Variants in HYCC2 observed in about 807,000 individuals in gnomAD.
The protein encoded by HYCC2 is hyccin PI4KA lipid kinase complex subunit 2, also known as hyccin 2.
the HYCC2 span, among the ~76,000 whole-genome samples, chr2:201,047,890 CAAAA>C: frequency 7.8e-4 from 53 of 67,918 alleles, no homozygotes; most frequent in Non-Finnish European, 1.5e-3. Context: ...TTAAAATTTG[CAAAA>C]AAAAAAAAAA....
the HYCC2 span, among the ~76,000 whole-genome samples, chr2:200,995,488 G>A: frequency 6.6e-6 from 1 of 152,212 alleles, no homozygotes; most frequent in Non-Finnish European, 1.5e-5. Context: ...ATGTGTACGT[G>A]AGTACGTTAC....
At chr2:201,026,246 T>A in the HYCC2 span, among the ~76,000 whole-genome samples, 1 of 152,176 alleles carries the variant, frequency 6.6e-6, no homozygotes, top group African/African-American at 2.4e-5. Flanking sequence ...AAGGGATCAA[T>A]GCAACAAGAA....
the HYCC2 span, among the ~76,000 whole-genome samples, chr2:201,069,033 A>T: frequency 1.3e-5 from 2 of 152,200 alleles, no homozygotes; most frequent in African/African-American, 4.8e-5. Flanking sequence ...AAAGAACAAT[A>T]CAAAGTACTG....
the HYCC2 span, among the ~76,000 whole-genome samples, chr2:200,986,696 C>T: frequency 1.3e-5 from 2 of 152,266 alleles, no homozygotes; most frequent in East Asian, 3.9e-4. Context: ...GAATTGAATA[C>T]AACCATTATT....
the HYCC2 span, among the ~76,000 whole-genome samples, chr2:201,000,825 G>A: frequency 6.6e-6 from 1 of 151,042 alleles, no homozygotes; most frequent in Admixed American, 6.6e-5. Context: ...CATCGATATG[G>A]TGGTATTAAG....
chr2:201,030,819 T>A, the HYCC2 span, among the ~76,000 whole-genome samples: 3 of 152,160 alleles, frequency 2.0e-5, no homozygotes, highest in African/African-American at 7.2e-5. Flanking sequence ...CCTCAGGTGA[T>A]CTGCCCACGT....
At chr2:200,994,593 C>G in the HYCC2 span, among the ~76,000 whole-genome samples, 1 of 152,158 alleles carries the variant, frequency 6.6e-6, no homozygotes, top group Admixed American at 6.6e-5. Context: ...TTAATGTCAA[C>G]TTAACAATGT....
the HYCC2 span, chr2:200,975,798 T>C: frequency 6.6e-6 from 1 of 152,110 alleles, no homozygotes; most frequent in South Asian, 2.1e-4. Context: ...ATGTTGTACT[T>C]GTGTGGTCAG....
At chr2:201,070,940 G>A in the HYCC2 span, among the ~76,000 whole-genome samples, 1 of 152,152 alleles carries the variant, frequency 6.6e-6, no homozygotes, top group Non-Finnish European at 1.5e-5. Flanking sequence ...CCATAATTGG[G>A]ATAAGCTCTT....
the HYCC2 span, among the ~76,000 whole-genome samples, chr2:201,003,685 G>C: frequency 6.6e-6 from 1 of 151,090 alleles, no homozygotes; most frequent in Non-Finnish European, 1.5e-5. Flanking sequence ...CTCCAGCCTG[G>C]GCGACAGAGC....
At chr2:201,061,290 A>T in the HYCC2 span, 7 of 152,088 alleles carry the variant, frequency 4.6e-5, no homozygotes, top group Non-Finnish European at 1.0e-4. Flanking sequence ...TAATTAGCCA[A>T]GCATGGTGGC....
chr2:201,015,943 C>T, the HYCC2 span, among the ~76,000 whole-genome samples: 1 of 152,290 alleles, frequency 6.6e-6, no homozygotes, highest in South Asian at 2.1e-4. Context: ...ATGATAACTT[C>T]AGCTAACATC....
the HYCC2 span, among the ~76,000 whole-genome samples, chr2:201,012,952 TACACACACACAC>T: frequency 4.8e-5 from 7 of 146,314 alleles, no homozygotes; most frequent in Non-Finnish European, 7.6e-5. Context: ...TTTCAAAAAA[TACACACACACAC>T]ACACACACAC....
the HYCC2 span, among the ~76,000 whole-genome samples, chr2:201,055,418 G>A: frequency 6.6e-6 from 1 of 151,118 alleles, no homozygotes; most frequent in Non-Finnish European, 1.5e-5. Context: ...AAAATTCTAG[G>A]CTAGGCGTAG....
the HYCC2 span, chr2:201,024,062 C>A: frequency 2.9e-6 from 4 of 1,375,164 alleles, no homozygotes; most frequent in South Asian, 4.7e-5. Flanking sequence ...AGTATTGAAG[C>A]TGAGGACAGT....
At chr2:201,042,204 A>C in the HYCC2 span, among the ~76,000 whole-genome samples, 3 of 152,198 alleles carry the variant, frequency 2.0e-5, no homozygotes, top group Admixed American at 2.0e-4. Flanking sequence ...GTGGTCTGCC[A>C]GCCTCGGCCT....
At chr2:201,071,378 C>G in the HYCC2 span, 1,758 of 152,948 alleles carry the variant, frequency 0.011, 14 homozygotes, top group Non-Finnish European at 0.019. Context: ...TGGGCCCCCA[C>G]GTCGCCCCAC....
the HYCC2 span, among the ~76,000 whole-genome samples, chr2:200,999,416 G>A: frequency 2.0e-5 from 3 of 150,230 alleles, no homozygotes; most frequent in Non-Finnish European, 4.4e-5. Flanking sequence ...ACAGAGTCTC[G>A]GTCTTGTCAC....
chr2:201,070,514 T>C, the HYCC2 span, among the ~76,000 whole-genome samples: 1 of 151,972 alleles, frequency 6.6e-6, no homozygotes, highest in South Asian at 2.1e-4. Context: ...TAGTCGGGCG[T>C]GGTGGCGCAT....
Sources: allele counts gnomAD v4.1 joint callset (sites outside exome capture counted in the v4.1 genomes callset), GRCh38; gene constraint gnomAD v4.1.1; transcripts MANE v1.5; gene names NCBI Gene and HGNC (gene_info 2026-07-23, HGNC 2026-07-21).